Variants in TRIOBP observed in about 807,000 individuals in gnomAD.
The protein encoded by TRIOBP is TRIO and F-actin-binding protein.
A neutral mutation model predicts 238.8 loss-of-function variants in TRIOBP; 169 were observed. That is an observed-to-expected ratio of 0.71 (90% CI 0.62 to 0.80). The LOEUF (loss-of-function observed/expected upper bound fraction) is 0.80. Ranked by LOEUF, TRIOBP falls within the 30% of genes least tolerant of loss-of-function variation. The probability of loss-of-function intolerance (pLI) is 0.00; values close to 1 mark genes in which losing one functional copy is unlikely to be tolerated. For missense variants in TRIOBP, 2,838 were observed against 3,122.6 expected (o/e 0.91, Z 2.17); for synonymous variants, 1,150 against 1,274.4 (o/e 0.90, Z 2.08).
intron 18 of TRIOBP, 142 bp downstream of exon 18, chr22:37,765,959 A>AGAAGCTCCAAGAACTGGGCT (rs1272566839): frequency 2.6e-6 from 3 of 1,171,088 alleles, no homozygotes; most frequent in Non-Finnish European, 3.5e-6. Flanking sequence ...AGCAGGTGTT[A>AGAAGCTCCAAGAACTGGGCT]GAAGCTCCAA....
intron 11 of TRIOBP, among the ~76,000 whole-genome samples, chr22:37,745,966 T>C (rs1283770467): frequency 1.3e-5 from 2 of 150,332 alleles, no homozygotes; most frequent in Non-Finnish European, 3.0e-5. Flanking sequence ...CCTTCCTTCC[T>C]CCCAGCGCGC....
At chr22:37,716,286 CT>C (rs1312119390) in intron 6 of TRIOBP, among the ~76,000 whole-genome samples, 1 of 151,394 alleles carries the variant, frequency 6.6e-6, no homozygotes, top group Non-Finnish European at 1.5e-5. Context: ...TAATTTTTGT[CT>C]TTTTAGTAGA....
chr22:37,707,436 C>T (rs1482300024), intron 3 of TRIOBP, among the ~76,000 whole-genome samples: 1 of 152,042 alleles, frequency 6.6e-6, no homozygotes, highest in African/African-American at 2.4e-5. Flanking sequence ...TTTTCCATCA[C>T]CCTCAGATGC....
At chr22:37,702,451 G>C (rs1464416168) in intron 3 of TRIOBP, among the ~76,000 whole-genome samples, 2 of 151,738 alleles carry the variant, frequency 1.3e-5, no homozygotes, top group Non-Finnish European at 2.9e-5. Flanking sequence ...TGATCCACCC[G>C]CCTCAGCCTC....
rs1191883032 is a variant in TRIOBP at position 37,768,299 on chromosome 22, G to A, written c.6575+123G>A. ...GCTGAGATTCCTGCTCCAGTCTCAT[G>A]GATGCAAGAAACAGAAGCAGAAGGT... On this transcript the variant is annotated intron_variant, in intron 19 of 23. Transcript: ENST00000644935. 5 of 815,176 alleles carry A rather than the reference G, an allele frequency of 6.1e-6. No individual in the cohort carries two copies. The Admixed American group carries it at 8.0e-5, about 13-fold the overall frequency. 50.5% of individuals were successfully genotyped at this position (815,176 alleles called of 1,614,324 possible).
chr22:37,751,452 T>C, intron 11 of TRIOBP: 1 of 439,932 alleles, frequency 2.3e-6, no homozygotes, highest in Non-Finnish European at 4.3e-6. Flanking sequence ...GGCAGAGTCC[T>C]CCCAGCCCCT....
At chr22:37,701,918 G>T (rs921620896) in intron 3 of TRIOBP, among the ~76,000 whole-genome samples, 1 of 152,174 alleles carries the variant, frequency 6.6e-6, no homozygotes. Context: ...ACCCGAGGTC[G>T]GGAGTTTGAA....
rs147998100 is a variant in TRIOBP, at chr22:37,770,681, T to C, written c.6850-969T>C. Among the ~76,000 whole-genome samples, 1,169 of 150,562 alleles carry C rather than the reference T, an allele frequency of 7.8e-3. 14 individuals carry two copies. Among genetic ancestry groups the C allele is most frequent in the African/African-American group, 0.027 (1,103 of 40,918 alleles). On this transcript the variant is annotated intron_variant, in intron 21 of 23. Coordinates refer to ENST00000644935, the MANE Select transcript of TRIOBP (RefSeq NM_001039141.3). ...CGTGAGCCACCGTGCCCAGCCGATA[T>C]TTTATTTCTCTTTTTTTTTTTGAGA...
At chr22:37,772,360 G>T (rs1926823666) in intron 22 of TRIOBP, among the ~76,000 whole-genome samples, 1 of 152,118 alleles carries the variant, frequency 6.6e-6, no homozygotes, top group African/African-American at 2.4e-5. Flanking sequence ...CTGCCCTGCG[G>T]TCTTGGTCAA....
intron 11 of TRIOBP, chr22:37,746,298 C>T (rs1191388383): frequency 6.4e-6 from 7 of 1,095,216 alleles, no homozygotes; most frequent in East Asian, 5.5e-5. Context: ...GGCGCGGCGG[C>T]GGGCGGCCGA....
At chr22:37,713,075 G>A in intron 4 of TRIOBP, 135 bp from the exon 5 acceptor site, 1 of 698,708 alleles carries the variant, frequency 1.4e-6, no homozygotes, top group Non-Finnish European at 2.4e-6. Context: ...CACAGAGGCA[G>A]CTCTCACCAT....
intron 18 of TRIOBP, 110 bp from the exon 19 acceptor site, chr22:37,767,964 G>A: frequency 4.8e-6 from 4 of 829,478 alleles, no homozygotes; most frequent in Non-Finnish European, 8.2e-6. Context: ...ATAGTACTAT[G>A]TGGAGTCCAC....
chr22:37,751,621 G>C (rs1258790900), intron 11 of TRIOBP, 151 bp from the exon 12 acceptor site: 4 of 789,990 alleles, frequency 5.1e-6, no homozygotes, highest in Non-Finnish European at 8.5e-6. Flanking sequence ...TTGGACTTGG[G>C]GGTTACCTAG....
chr22:37,711,935 A>G (rs1463336724), intron 4 of TRIOBP, among the ~76,000 whole-genome samples: 1 of 152,132 alleles, frequency 6.6e-6, no homozygotes, highest in African/African-American at 2.4e-5. Flanking sequence ...TCCCTCCCTC[A>G]GCATCTGGGC....
In TRIOBP at chr22:37,719,991, C is replaced by CACTGCACTCACTGTTTCACTCAT. The variant is rs1923740437; in HGVS notation, c.629-3194_629-3193insACTGCACTCACTGTTTCACTCAT. ...ACTGCACTCACTGTTTCACTCATCC[C>CACTGCACTCACTGTTTCACTCAT]CCCCCGCCCTTTTTTTTTTTTTTTT... On this transcript the variant is annotated intron_variant, in intron 6 of 23. Coordinates refer to ENST00000644935, the MANE Select transcript of TRIOBP (RefSeq NM_001039141.3). Among the ~76,000 whole-genome samples the CACTGCACTCACTGTTTCACTCAT allele has an allele frequency of 3.1e-4, 11 of 35,722 alleles. 1 individual carries two copies. Among genetic ancestry groups the CACTGCACTCACTGTTTCACTCAT allele is most frequent in the South Asian group, 1.9e-3 (1 of 520 alleles). The allele number at this position is 35,722 out of a possible 152,430, so 23.4% of individuals were successfully genotyped here. A position where few individuals can be genotyped will look rare whatever the true frequency, so the allele number is the denominator to read the frequency against.
intron 17 of TRIOBP, chr22:37,759,559 G>A (rs1372698474): frequency 1.9e-6 from 3 of 1,596,724 alleles, no homozygotes; most frequent in African/African-American, 2.7e-5. Context: ...GAGCCTGTGT[G>A]TGAGTCCCCG....
chr22:37,759,785 G>C (rs1926148101), intron 17 of TRIOBP: 3 of 1,366,902 alleles, frequency 2.2e-6, no homozygotes, highest in South Asian at 3.0e-5. Context: ...GTCCCCCTTG[G>C]GGACATTTGG....
intron 10 of TRIOBP, among the ~76,000 whole-genome samples, chr22:37,740,134 C>G (rs995907139): frequency 6.6e-6 from 1 of 152,172 alleles, no homozygotes; most frequent in Non-Finnish European, 1.5e-5. Context: ...ACCCCTACCC[C>G]CAAAGCCCTC....
chr22:37,746,024 C>T (rs1427362452), intron 11 of TRIOBP, among the ~76,000 whole-genome samples: 2 of 143,662 alleles, frequency 1.4e-5, no homozygotes, highest in Non-Finnish European at 1.5e-5. Flanking sequence ...CCCTCCCTTC[C>T]CTGCGGCCCC....
Sources: allele counts gnomAD v4.1 joint callset (sites outside exome capture counted in the v4.1 genomes callset), GRCh38; gene constraint gnomAD v4.1.1; transcripts MANE v1.5; gene names NCBI Gene and HGNC (gene_info 2026-07-23, HGNC 2026-07-21).